Variants in CEBPZ observed in about 807,000 individuals in gnomAD.
The protein encoded by CEBPZ is CCAAT enhancer binding protein zeta, also known as CCAAT/enhancer-binding protein zeta.
Under a neutral mutation model 104.5 loss-of-function variants are expected in CEBPZ, and 78 were observed. The observed-to-expected ratio is 0.75, with a 90% CI of 0.62 to 0.90. The LOEUF (loss-of-function observed/expected upper bound fraction) is 0.90, where lower values mean the gene tolerates loss of function less well. Among genes scored for constraint, CEBPZ ranks in the 40% least tolerant of loss-of-function variants. CEBPZ has a pLI of 0.00. For synonymous variants in CEBPZ, 470 were observed against 427.0 expected, an observed-to-expected ratio of 1.10 and a Z score of -1.24; for missense variants, 1,439 against 1,233.5, an observed-to-expected ratio of 1.17 and a Z score of -2.50.
At position 37,213,984 on chromosome 2, in the gene CEBPZ, T is replaced by C. The variant is rs534520763; in HGVS notation, c.2448-23A>G. The C allele has an allele frequency of 1.9e-4, 251 of 1,315,882 alleles. 3 individuals carry two copies. Among genetic ancestry groups the C allele is most frequent in the South Asian group, 1.9e-3 (128 of 67,526 alleles). The allele number at this position is 1,315,882 out of a possible 1,614,324, so 81.5% of individuals were successfully genotyped here. A position where few individuals can be genotyped will look rare whatever the true frequency, so the allele number is the denominator to read the frequency against. On this transcript the variant is annotated intron_variant, in intron 9 of 15. Coordinates refer to ENST00000234170, the MANE Select transcript of CEBPZ (RefSeq NM_005760.3). ...TACCTATAATATTCATGTTATATAT[T>C]TGACAATTTTATTAAAGGTCTAATC...
chr2:37,214,768 A>C, intron 9 of CEBPZ, 118 bp downstream of exon 9: 1 of 613,126 alleles, frequency 1.6e-6, no homozygotes, highest in East Asian at 2.9e-5. Flanking sequence ...TCCATGGTCT[A>C]TTTACACACA....
In CEBPZ at chr2:37,222,549, T is replaced by A; in HGVS notation, c.1896A>T (p.Glu632Asp). The change falls in exon 4 of 16, where the codon GAA becomes GAT. Residue 632 changes from glutamate (E) to aspartate (D), a missense_variant. Coordinates refer to ENST00000234170, the MANE Select transcript of CEBPZ (RefSeq NM_005760.3). The stretch of plus-strand genomic sequence containing the variant: ...CATCATTTGCATCAATAAAATTTTC[T>A]TCATCATCAGACTCCTAACAAAAGT... ...QLDDHPESDD[E>D]ENFIDANDDE... The A allele has an allele frequency of 6.3e-7, 1 of 1,585,628 alleles. No individual in the cohort carries two copies. The highest frequency in any genetic ancestry group is 1.2e-5 in the South Asian group (1 of 84,664).
intron 8 of CEBPZ, chr2:37,215,185 C>T (rs1255180198): frequency 5.7e-6 from 2 of 353,946 alleles, no homozygotes; most frequent in Non-Finnish European, 1.0e-5. Context: ...CAGTACATAG[C>T]TGTCAGTGCC....
chr2:37,202,898 A>C, intron 14 of CEBPZ, 33 bp from the exon 15 acceptor site: 2 of 1,594,648 alleles, frequency 1.3e-6, no homozygotes, highest in Non-Finnish European at 1.7e-6. Context: ...TTATTAGAAA[A>C]CTAAAAATAA....
At chr2:37,216,945 T>C (rs1162906124) in intron 6 of CEBPZ, 39 bp downstream of exon 6, 1 of 1,515,022 alleles carries the variant, frequency 6.6e-7, no homozygotes, top group Non-Finnish European at 9.1e-7. Flanking sequence ...ATGATACTTT[T>C]TTTCTTATTT....
intron 4 of CEBPZ, among the ~76,000 whole-genome samples, chr2:37,221,871 A>AT (rs929514086): frequency 9.2e-5 from 14 of 151,718 alleles, no homozygotes; most frequent in South Asian, 4.2e-4. Context: ...CATTTCTAAG[A>AT]TTTTTTTTTG....
chr2:37,214,696 T>C (rs1250031690), intron 9 of CEBPZ, among the ~76,000 whole-genome samples, 190 bp downstream of exon 9: 9 of 152,166 alleles, frequency 5.9e-5, no homozygotes, highest in African/African-American at 2.2e-4. Context: ...CTTTTCAAAA[T>C]ATGCTGATTA....
rs141837737 is a variant in CEBPZ at position 37,228,965 on chromosome 2, G to A, written c.228C>T (p.Ile76=). The stretch of plus-strand genomic sequence containing the variant: ...CCAATTCACCTTGCTGAAGGTCATC[G>A]ATTGCTCCTTTTTTGCCTCCATCTA... The part of the protein sequence containing the change: ...EVIDGGKKGA[I]DDLQQGELEA... The change falls in exon 2 of 16, where the codon ATC becomes ATT. Residue 76 remains isoleucine (I), a synonymous_variant. Transcript: ENST00000234170. 6.7e-5 allele frequency: 108 copies of A among 1,603,018 alleles called. No homozygotes were observed. The highest frequency in any genetic ancestry group is 8.2e-5 in the Non-Finnish European group (97 of 1,176,884).
chr2:37,205,502 A>G (rs536346758), intron 13 of CEBPZ, among the ~76,000 whole-genome samples: 19 of 152,158 alleles, frequency 1.2e-4, no homozygotes, highest in Non-Finnish European at 1.9e-4. Flanking sequence ...CCCAAATCCT[A>G]TAAAATGGCC....
intron 2 of CEBPZ, among the ~76,000 whole-genome samples, chr2:37,226,035 T>C (rs1373142584): frequency 6.7e-6 from 1 of 149,594 alleles, no homozygotes; most frequent in Non-Finnish European, 1.5e-5. Context: ...CACGTGTTTG[T>C]CTGCTGACCC....
At chr2:37,216,855 CT>C in intron 6 of CEBPZ, 128 bp downstream of exon 6, 1 of 760,498 alleles carries the variant, frequency 1.3e-6, no homozygotes, top group Non-Finnish European at 2.1e-6. Flanking sequence ...CAAGTCACTG[CT>C]TCTTTATACG....
intron 1 of CEBPZ, among the ~76,000 whole-genome samples, chr2:37,229,597 G>A (rs1014013544): frequency 6.6e-6 from 1 of 152,206 alleles, no homozygotes; most frequent in East Asian, 1.9e-4. Flanking sequence ...TTTCATACAT[G>A]GTTGATGTGA....
intron 5 of CEBPZ, among the ~76,000 whole-genome samples, chr2:37,219,542 C>G (rs184108522): frequency 6.6e-6 from 1 of 152,140 alleles, no homozygotes; most frequent in East Asian, 1.9e-4. Flanking sequence ...ACCGTCAACA[C>G]AGTGATGAAA....
In CEBPZ at chr2:37,223,245, T is replaced by C; in HGVS notation, c.1806A>G (p.Ile602Met). 1.2e-6 allele frequency: 2 copies of C among 1,614,168 alleles called. No homozygotes were observed. Among genetic ancestry groups the C allele is most frequent in the Non-Finnish European group, 1.7e-6 (2 of 1,180,016 alleles). Residue 602 changes from isoleucine to methionine, a missense_variant, in exon 3 of 16, where the codon ATA (isoleucine) becomes ATG (methionine). By Grantham distance (10) the Ile-to-Met change is conservative. Coordinates refer to ENST00000234170, the MANE Select transcript of CEBPZ (RefSeq NM_005760.3). ...QVTCQQMPPF[I>M]CGALYLVSEI... ...CAGACACAAGATATAAAGCTCCACATATAAATGGTGGCATCTGTTGACAAG... is the reference window on the plus strand; with the variant it reads ...CAGACACAAGATATAAAGCTCCACACATAAATGGTGGCATCTGTTGACAAG...
intron 13 of CEBPZ, among the ~76,000 whole-genome samples, chr2:37,205,761 C>G (rs1001876418): frequency 4.6e-5 from 7 of 152,188 alleles, no homozygotes; most frequent in African/African-American, 1.4e-4. Context: ...ACATTTTTAT[C>G]AAAAATCTTA....
At chr2:37,202,887 T>C in intron 14 of CEBPZ, 22 bp from the exon 15 acceptor site, 5 of 1,595,732 alleles carry the variant, frequency 3.1e-6, no homozygotes, top group Non-Finnish European at 3.4e-6. Context: ...AAACGATAAA[T>C]TTATTAGAAA....
At chr2:37,203,186 T>C (rs1407425364) in intron 13 of CEBPZ, 178 bp from the exon 14 acceptor site, 20 of 444,598 alleles carry the variant, frequency 4.5e-5, no homozygotes, top group Non-Finnish European at 7.6e-5. Flanking sequence ...TATAATATTT[T>C]CAAAAAGCTA....
In CEBPZ at chr2:37,212,329, T is replaced by A; in HGVS notation, c.2603+6A>T. The A allele has an allele frequency of 6.2e-7, 1 of 1,612,112 alleles. No homozygotes were observed. The highest frequency in any genetic ancestry group is 8.5e-7 in the Non-Finnish European group (1 of 1,178,382). On this transcript the variant is annotated splice_donor_region_variant and intron_variant, in intron 11 of 15. Coordinates refer to ENST00000234170, the MANE Select transcript of CEBPZ (RefSeq NM_005760.3). Reference sequence around the variant, plus strand: ...AAATAGGAAGGAGAAGATAGAAGTATGTTACCCAGCAAAATCCATATCATC... The same window carrying A: ...AAATAGGAAGGAGAAGATAGAAGTAAGTTACCCAGCAAAATCCATATCATC...
In CEBPZ at chr2:37,211,942, C is replaced by A. The variant is rs768578319; in HGVS notation, c.2701G>T (p.Val901Phe). 4.0e-5 allele frequency: 65 copies of A among 1,613,680 alleles called. No individual in the cohort carries two copies. Among genetic ancestry groups the A allele is most frequent in the Admixed American group, 6.7e-5 (4 of 59,946 alleles). The change falls in exon 12 of 16, where the codon GTT becomes TTT. Residue 901 changes from valine (V) to phenylalanine (F), a missense_variant. By Grantham distance (50) the Val-to-Phe change is conservative (BLOSUM62 -1). Coordinates refer to ENST00000234170, the MANE Select transcript of CEBPZ (RefSeq NM_005760.3). Reference protein sequence around the residue: ...DELGNLDDDEVSLGSMDDEEF... With the variant: ...DELGNLDDDEFSLGSMDDEEF... ...TCATCATCCATACTTCCTAAAGAAA[C>A]TTCATCGTCATCCAGGTTACCAAGT...
Sources: gnomAD v4.1 joint callset for allele counts (sites outside exome capture counted in the v4.1 genomes callset) on GRCh38, gnomAD v4.1.1 for gene constraint, MANE v1.5 for transcripts, NCBI Gene and HGNC (gene_info 2026-07-23, HGNC 2026-07-21) for gene names.